Variants in NFATC1 observed in about 807,000 individuals in gnomAD.
The protein encoded by NFATC1 is nuclear factor of activated T-cells, cytoplasmic 1.
Under a neutral mutation model 76.0 loss-of-function variants are expected in NFATC1, and 22 were observed. The observed-to-expected ratio is 0.29, with a 90% CI of 0.21 to 0.41. The LOEUF is 0.41. Ranked by LOEUF, NFATC1 falls within the 10% of genes least tolerant of loss-of-function variation. NFATC1 has a pLI of 1.00. For synonymous variants in NFATC1, 704 were observed against 613.1 expected, an observed-to-expected ratio of 1.15 and a Z score of -2.19; for missense variants, 1,357 against 1,337.7, an observed-to-expected ratio of 1.01 and a Z score of -0.23.
intron 6 of NFATC1, among the ~76,000 whole-genome samples, chr18:79,454,279 C>T (rs1348564185): frequency 6.6e-6 from 1 of 152,242 alleles, no homozygotes; most frequent in Non-Finnish European, 1.5e-5. Context: ...CGGCTCCACC[C>T]TGTCCTTCTC....
chr18:79,480,543 C>A (rs879335324), intron 8 of NFATC1, among the ~76,000 whole-genome samples: 7 of 152,182 alleles, frequency 4.6e-5, no homozygotes, highest in Admixed American at 2.0e-4. Context: ...CACCACCATC[C>A]TAGGTCAGGA....
At chr18:79,495,928 C>T (rs1315151364) in intron 9 of NFATC1, 1 of 151,904 alleles carries the variant, frequency 6.6e-6, no homozygotes, top group Non-Finnish European at 1.5e-5. Context: ...GGGTGTGTCG[C>T]TGTGACGCGG....
intron 7 of NFATC1, among the ~76,000 whole-genome samples, chr18:79,466,367 C>A (rs542880809): frequency 6.6e-6 from 1 of 152,190 alleles, no homozygotes; most frequent in Non-Finnish European, 1.5e-5. Context: ...ATGCGACTCC[C>A]GCCAACCCTC....
In NFATC1 at chr18:79,471,529, C is replaced by T. The variant is rs60080052; in HGVS notation, c.2092+3947C>T. 9.0e-3 allele frequency among the ~76,000 whole-genome samples: 1,366 copies of T among 152,266 alleles called. 21 individuals are homozygous for T. The highest frequency in any genetic ancestry group is 0.03 in the African/African-American group (1,255 of 41,534). On this transcript the variant is annotated intron_variant, in intron 8 of 9. Coordinates refer to ENST00000427363, the MANE Select transcript of NFATC1 (RefSeq NM_001278669.2). The stretch of plus-strand genomic sequence containing the variant: ...GTCGTTTTAGTCGGTTACCTGGAAA[C>T]GCTCCCAGGGCCCCTGAGCTGGGGA...
chr18:79,431,587 C>T (rs1172733226), intron 2 of NFATC1, among the ~76,000 whole-genome samples: 1 of 152,156 alleles, frequency 6.6e-6, no homozygotes, highest in Non-Finnish European at 1.5e-5. Context: ...GATGGGGTCT[C>T]TCCATGTTGC....
rs995974520 is a variant in NFATC1 at position 79,527,820 on chromosome 18, G to C, written c.*243G>C. 13 of 567,108 alleles carry C rather than the reference G, an allele frequency of 2.3e-5. No homozygotes were observed. The African/African-American group carries it at 2.4e-4, about 11-fold the overall frequency. 35.1% of individuals were successfully genotyped at this position (567,108 alleles called of 1,614,324 possible). The stretch of plus-strand genomic sequence containing the variant: ...TCATGACAACAGAAGGGAGGTGGCC[G>C]GGCTGAGCACGGGAGACCCACCGTG... On this transcript the variant is annotated 3_prime_UTR_variant, in exon 10 of 10. Coordinates refer to ENST00000427363, the MANE Select transcript of NFATC1 (RefSeq NM_001278669.2).
chr18:79,493,302 G>A (rs2089748511), intron 9 of NFATC1: 1 of 152,298 alleles, frequency 6.6e-6, no homozygotes, highest in African/African-American at 2.4e-5. Context: ...AGCGTTTGTG[G>A]GGCCTGTGTC....
intron 3 of NFATC1, among the ~76,000 whole-genome samples, chr18:79,444,212 T>C (rs1333652899): frequency 6.6e-6 from 1 of 152,176 alleles, no homozygotes; most frequent in Non-Finnish European, 1.5e-5. Flanking sequence ...TGTGCGTGTG[T>C]GTGTGCACGC....
chr18:79,453,884 A>C (rs1344170264), intron 6 of NFATC1, among the ~76,000 whole-genome samples: 1 of 152,230 alleles, frequency 6.6e-6, no homozygotes, highest in Non-Finnish European at 1.5e-5. Context: ...TTCTTCCTCC[A>C]CTTCCGGCTT....
At position 79,410,578 on chromosome 18, in the gene NFATC1, C is replaced by T. The variant is rs368130801; in HGVS notation, c.303C>T (p.Phe101=). 2 of 1,612,002 alleles carry T rather than the reference C, an allele frequency of 1.2e-6. No individual in the cohort carries two copies. The highest frequency in any genetic ancestry group is 1.7e-6 in the Non-Finnish European group (2 of 1,179,990). ...AALDGGPAGY[F]LSSGHTRPDG... is the part of the protein sequence containing the mutation. ...TGGACGGTGGGCCCGCGGGCTACTT[C>T]CTCTCCTCCGGCCACACCAGGCCTG... The change falls in exon 2 of 10, where the codon TTC becomes TTT. Residue 101 remains phenylalanine, a synonymous_variant. Coordinates refer to ENST00000427363, the MANE Select transcript of NFATC1 (RefSeq NM_001278669.2). This position sits in a 1 kb window ranked among gnomAD's most constrained non-coding sequence, Gnocchi z 6.7.
intron 8 of NFATC1, among the ~76,000 whole-genome samples, chr18:79,475,341 CGTT>C (rs1428834045): frequency 2.8e-5 from 4 of 143,340 alleles, no homozygotes; most frequent in South Asian, 2.2e-4. Flanking sequence ...TCACTGTCAA[CGTT>C]GTGAGGGAAG....
rs749147876 is a variant in NFATC1 at position 79,464,682 on chromosome 18, G to GTA, written c.1960-2756_1960-2755dup. ...TGTGTGTGTGTGTGTATATGTATGTGTATATATATATATTTATTTATTTAT... is the reference window on the plus strand; with the variant it reads ...TGTGTGTGTGTGTGTATATGTATGTGTATATATATATATATTTATTTATTTAT... On this transcript the variant is annotated intron_variant, in intron 7 of 9. Transcript: ENST00000427363. Among the ~76,000 whole-genome samples the GTA allele has an allele frequency of 7.2e-4, 73 of 100,804 alleles. 5 individuals are homozygous for GTA. The highest frequency in any genetic ancestry group is 4.4e-3 in the South Asian group (16 of 3,606). The allele number at this position is 100,804 out of a possible 152,430, so 66.1% of individuals were successfully genotyped here. A position where few individuals can be genotyped will look rare whatever the true frequency, so the allele number is the denominator to read the frequency against.
intron 6 of NFATC1, among the ~76,000 whole-genome samples, chr18:79,453,591 G>C (rs1239459663): frequency 6.6e-6 from 1 of 152,170 alleles, no homozygotes; most frequent in African/African-American, 2.4e-5. Flanking sequence ...CCACACTTCT[G>C]GGCAATGCCA....
intron 8 of NFATC1, among the ~76,000 whole-genome samples, chr18:79,481,916 A>C (rs2089287569): frequency 7.0e-6 from 1 of 141,954 alleles, no homozygotes; most frequent in African/African-American, 2.8e-5. Flanking sequence ...CTGGGGTGTC[A>C]TTCCAGTGTG....
chr18:79,519,587 C>T (rs1165620301), intron 9 of NFATC1, among the ~76,000 whole-genome samples: 1 of 152,222 alleles, frequency 6.6e-6, no homozygotes, highest in East Asian at 1.9e-4. Context: ...GATCCTCCCG[C>T]CTTGGCTTCC....
chr18:79,415,069 GGTCT>G (rs936306477), intron 2 of NFATC1, among the ~76,000 whole-genome samples: 1 of 152,200 alleles, frequency 6.6e-6, no homozygotes, highest in Non-Finnish European at 1.5e-5. Flanking sequence ...TCCATGTCCA[GGTCT>G]GTCTGTGCCG....
At chr18:79,490,159 A>G (rs1414235649) in intron 9 of NFATC1, among the ~76,000 whole-genome samples, 1 of 151,920 alleles carries the variant, frequency 6.6e-6, no homozygotes, top group East Asian at 1.9e-4. Context: ...GGCGGGGCGC[A>G]TGGCAGAGGA....
chr18:79,450,308 T>C (rs1473755288), intron 4 of NFATC1, among the ~76,000 whole-genome samples: 3 of 152,050 alleles, frequency 2.0e-5, no homozygotes, highest in African/African-American at 7.2e-5. Flanking sequence ...TAAGAGGTTA[T>C]ATGAAACCAT....
chr18:79,512,371 T>C (rs2090275971), intron 9 of NFATC1, among the ~76,000 whole-genome samples: 1 of 152,104 alleles, frequency 6.6e-6, no homozygotes, highest in Non-Finnish European at 1.5e-5. Context: ...AGACTAAGGC[T>C]TAGGGATTTT....
Sources: gnomAD v4.1 joint callset for allele counts (sites outside exome capture counted in the v4.1 genomes callset) on GRCh38, gnomAD v4.1.1 for gene constraint, Gnocchi (gnomAD v3.1) non-coding constraint, MANE v1.5 for transcripts, NCBI Gene and HGNC (gene_info 2026-07-23, HGNC 2026-07-21) for gene names.